The following ZNF44 variants were observed in gnomAD, a reference collection of about 807,000 sequenced individuals.
ZNF44 encodes zinc finger protein 44.
ZNF44 carries 9 observed loss-of-function variants against 11.7 expected under a neutral mutation model. That is an observed-to-expected ratio of 0.77 (90% CI 0.46 to 1.35). The LOEUF (loss-of-function observed/expected upper bound fraction) is 1.35, where lower values mean the gene tolerates loss of function less well. Among genes scored for constraint, ZNF44 ranks in the 40% most tolerant of loss-of-function variants. The pLI is 0.00. For synonymous variants in ZNF44, 224 were observed against 242.7 expected (o/e 0.92, Z 0.72); for missense variants, 696 against 743.1 (o/e 0.94, Z 0.74).
rs1262523326 is a variant in ZNF44, at chr19:12,266,343, C to T, written c.1912+6144G>A. ...CTCCTGGCCACAGCAGGGCAAATCG[C>T]GACACACCCTGAGCTGACACACCCT... On this transcript the variant is annotated intron_variant and NMD_transcript_variant, in intron 5 of 7. Transcript: ENST00000393337. 5.1e-6 allele frequency: 5 copies of T among 985,142 alleles called. No individual in the cohort carries two copies. In the African/African-American group the frequency reaches 7.0e-5, roughly 14 times the overall value. 61.0% of individuals were successfully genotyped at this position (985,142 alleles called of 1,614,324 possible).
At chr19:12,278,997 G>A (rs1967353830) in intron 1 of ZNF44, among the ~76,000 whole-genome samples, 1 of 152,212 alleles carries the variant, frequency 6.6e-6, no homozygotes, top group Non-Finnish European at 1.5e-5. Flanking sequence ...CCCCAGCAGA[G>A]AGCCATCCAT....
chr19:12,252,697 A>T (rs1029666778), intron 5 of ZNF44, among the ~76,000 whole-genome samples: 1 of 152,030 alleles, frequency 6.6e-6, no homozygotes, highest in Admixed American at 6.6e-5. Flanking sequence ...GGATAGCTGT[A>T]TACTGAAAAC....
At chr19:12,282,722 G>A (rs927031254) in intron 1 of ZNF44, among the ~76,000 whole-genome samples, 7 of 151,786 alleles carry the variant, frequency 4.6e-5, no homozygotes, top group Admixed American at 2.6e-4. Context: ...CACGCCTGGC[G>A]AGAAGTCTTC....
downstream of ZNF44, among the ~76,000 whole-genome samples, chr19:12,268,443 T>C (rs1442577262): frequency 6.6e-6 from 1 of 152,212 alleles, no homozygotes; most frequent in Non-Finnish European, 1.5e-5. Flanking sequence ...TACTGGTCTA[T>C]GTCTAACATT....
chr19:12,284,916 G>A (rs991201889), intron 1 of ZNF44: 12 of 717,240 alleles, frequency 1.7e-5, no homozygotes, highest in East Asian at 5.3e-5. Flanking sequence ...CACTGGCATC[G>A]TCTCAGCGCC....
chr19:12,265,135 T>C (rs1046777921), intron 5 of ZNF44, among the ~76,000 whole-genome samples: 3 of 152,070 alleles, frequency 2.0e-5, no homozygotes, highest in Non-Finnish European at 4.4e-5. Context: ...AAATAATATT[T>C]AGGCTAGGCA....
chr19:12,231,815 T>A (rs1164910783), intron 2 of ZNF44, among the ~76,000 whole-genome samples: 1 of 152,236 alleles, frequency 6.6e-6, no homozygotes, highest in Non-Finnish European at 1.5e-5. Flanking sequence ...CTGGACTTTT[T>A]TGAGAACAAT....
chr19:12,251,908 G>C (rs1917014506), intron 5 of ZNF44, among the ~76,000 whole-genome samples: 1 of 152,058 alleles, frequency 6.6e-6, no homozygotes, highest in African/African-American at 2.4e-5. Context: ...AAAATTAGCT[G>C]GGTGTGGTAG....
chr19:12,254,760 TAAAA>T (rs1422394638), intron 5 of ZNF44, among the ~76,000 whole-genome samples: 1 of 148,382 alleles, frequency 6.7e-6, no homozygotes, highest in African/African-American at 2.5e-5. Flanking sequence ...AATAATAAAA[TAAAA>T]AATAAATGAA....
chr19:12,266,341 C>T (rs1033416115), intron 5 of ZNF44: 1 of 985,182 alleles, frequency 1.0e-6, no homozygotes, highest in African/African-American at 1.7e-5. Context: ...CAGGGCAAAT[C>T]GCGACACACC....
chr19:12,247,829 CAAGT>C (rs766316468), exon 8 of ZNF44: 186 of 1,297,432 alleles, frequency 1.4e-4, no homozygotes, highest in Non-Finnish European at 1.8e-4. Flanking sequence ...CTAAAGGAGA[CAAGT>C]AAGTTTTCCC....
At position 12,258,397 on chromosome 19, in the gene ZNF44, C is replaced by T. The variant is rs147151836; in HGVS notation, c.1913-8029G>A. Among the ~76,000 whole-genome samples the T allele has an allele frequency of 3.0e-3, 444 of 148,588 alleles. 2 individuals are homozygous for T. The highest frequency in any genetic ancestry group is 3.1e-3 in the Non-Finnish European group (211 of 67,374). Reference sequence around the variant, plus strand: ...CTGCCCCTTCACTACAACCATACAACCATTAATGGTTTTGTATAATAGCTG... The same window carrying T: ...CTGCCCCTTCACTACAACCATACAATCATTAATGGTTTTGTATAATAGCTG... On this transcript the variant is annotated intron_variant and NMD_transcript_variant, in intron 5 of 7. Coordinates refer to the ZNF44 transcript ENST00000393337.
intron 1 of ZNF44, among the ~76,000 whole-genome samples, chr19:12,285,381 G>C (rs943338487): frequency 6.6e-6 from 1 of 152,050 alleles, no homozygotes; most frequent in Non-Finnish European, 1.5e-5. Context: ...TCAGCCTCCC[G>C]AGTAGCTGGG....
chr19:12,267,042 T>C (rs1350303880), downstream of ZNF44, among the ~76,000 whole-genome samples: 1 of 146,470 alleles, frequency 6.8e-6, no homozygotes, highest in Non-Finnish European at 1.5e-5. Context: ...TTTTCTTTTT[T>C]CTTTTTTTTT....
chr19:12,228,733 A>G (rs1916026269), intron 3 of ZNF44, among the ~76,000 whole-genome samples: 1 of 152,190 alleles, frequency 6.6e-6, no homozygotes, highest in African/African-American at 2.4e-5. Context: ...CTTTCCCAAA[A>G]CAAACTTCCT....
Position 12,235,361 on chromosome 19 carries a change from TCC to T in ZNF44, n.139-455_139-454del, listed in dbSNP as rs555993979. On this transcript the variant is annotated intron_variant and non_coding_transcript_variant, in intron 1 of 3. Coordinates refer to the ZNF44 transcript ENST00000597563. ...TCCGACCTGGGCGAAAGAGCGAGAC[TCC>T]GTCTCGTCTCGAAAAAAACAAAACA... Among the ~76,000 whole-genome samples, 301 of 152,160 alleles carry T rather than the reference TCC, an allele frequency of 2.0e-3. 1 individual carries two copies. The highest frequency in any genetic ancestry group is 6.7e-3 in the African/African-American group (280 of 41,518).
At chr19:12,241,678 G>A (rs2459001), upstream of ZNF44, among the ~76,000 whole-genome samples, 8,967 of 152,246 alleles carry the variant, frequency 0.059, 890 homozygotes, top group African/African-American at 0.21. Context: ...CTGGGCAACA[G>A]AGCGAGACTC....
intron 1 of ZNF44, among the ~76,000 whole-genome samples, chr19:12,281,214 GAAC>G (rs1786386099): frequency 6.6e-6 from 1 of 152,012 alleles, no homozygotes; most frequent in South Asian, 2.1e-4. Context: ...AAACACACTT[GAAC>G]AAATTTTTTA....
At chr19:12,244,193 T>C (rs1916706598), downstream of ZNF44, among the ~76,000 whole-genome samples, 1 of 152,116 alleles carries the variant, frequency 6.6e-6, no homozygotes, top group Non-Finnish European at 1.5e-5. Context: ...ATTTATTTAT[T>C]TATTTTAGAC....
Sources: gnomAD v4.1 joint callset for allele counts (sites outside exome capture counted in the v4.1 genomes callset) on GRCh38, gnomAD v4.1.1 for gene constraint, MANE v1.5 for transcripts, NCBI Gene and HGNC (gene_info 2026-07-23, HGNC 2026-07-21) for gene names.